MAPKAP1: variants seen among roughly 807,000 people sequenced by gnomAD.
MAPKAP1 encodes the protein MAPK associated protein 1.
In MAPKAP1, 20 loss-of-function variants were observed where a neutral mutation model predicts 65.7. The observed-to-expected ratio is 0.30, with a 90% confidence interval of 0.21 to 0.44. The LOEUF is 0.44. Among genes scored for constraint, MAPKAP1 ranks in the 20% least tolerant of loss-of-function variants. The pLI is 1.00. For missense variants in MAPKAP1, 423 were observed against 648.0 expected (o/e 0.65, Z 3.77); for synonymous variants, 222 against 244.3 (o/e 0.91, Z 0.85).
intron 5 of MAPKAP1, among the ~76,000 whole-genome samples, chr9:125,584,678 C>T (rs1266539766): frequency 2.6e-5 from 4 of 152,176 alleles, no homozygotes; most frequent in African/African-American, 4.8e-5. Flanking sequence ...CCGCCCACCT[C>T]AGCCTTCCAA....
intron 4 of MAPKAP1, among the ~76,000 whole-genome samples, chr9:125,608,256 G>C (rs998346166): frequency 6.6e-6 from 1 of 152,210 alleles, no homozygotes; most frequent in African/African-American, 2.4e-5. Context: ...TTCACAATGT[G>C]ACAAAGGAAG....
At chr9:125,550,735 A>G (rs545996178) in intron 6 of MAPKAP1, among the ~76,000 whole-genome samples, 1 of 152,372 alleles carries the variant, frequency 6.6e-6, no homozygotes, top group East Asian at 1.9e-4. Flanking sequence ...ATTTACAAAT[A>G]CAAAATTAAA....
At chr9:125,458,408 G>A (rs542824740) in intron 10 of MAPKAP1, among the ~76,000 whole-genome samples, 1 of 151,838 alleles carries the variant, frequency 6.6e-6, no homozygotes, top group Non-Finnish European at 1.5e-5. Flanking sequence ...ATTAGGGAGT[G>A]GTGATGACTC....
At chr9:125,470,408 C>G (rs913368746) in intron 9 of MAPKAP1, among the ~76,000 whole-genome samples, 3 of 152,196 alleles carry the variant, frequency 2.0e-5, no homozygotes, top group African/African-American at 7.2e-5. Context: ...TCACCAGCTC[C>G]TGCTCCAAGC....
intron 4 of MAPKAP1, among the ~76,000 whole-genome samples, chr9:125,586,105 G>A (rs986846594): frequency 2.0e-5 from 3 of 152,130 alleles, no homozygotes; most frequent in Non-Finnish European, 4.4e-5. Flanking sequence ...TTGAGACAAT[G>A]AGATGAGCTG....
At chr9:125,604,394 C>T (rs183258494) in intron 4 of MAPKAP1, among the ~76,000 whole-genome samples, 26 of 152,328 alleles carry the variant, frequency 1.7e-4, no homozygotes, top group Admixed American at 3.3e-4. Context: ...ATGAGAAATG[C>T]TTTATCTGCA....
chr9:125,561,617 T>C (rs1830896358), intron 5 of MAPKAP1, among the ~76,000 whole-genome samples: 1 of 152,218 alleles, frequency 6.6e-6, no homozygotes, highest in Non-Finnish European at 1.5e-5. Context: ...CATGGTATAC[T>C]GGCTAAGAGA....
chr9:125,689,055 G>A (rs1358077129), intron 1 of MAPKAP1, among the ~76,000 whole-genome samples: 1 of 152,138 alleles, frequency 6.6e-6, no homozygotes, highest in African/African-American at 2.4e-5. Flanking sequence ...CTGAGGGTTA[G>A]GCGTATAAAG....
At chr9:125,518,402 A>C (rs1829526137) in intron 7 of MAPKAP1, among the ~76,000 whole-genome samples, 1 of 152,148 alleles carries the variant, frequency 6.6e-6, no homozygotes, top group South Asian at 2.1e-4. Context: ...TTACATCTGT[A>C]ATCCCACATT....
intron 4 of MAPKAP1, among the ~76,000 whole-genome samples, chr9:125,639,926 C>G (rs1041846180): frequency 6.6e-6 from 1 of 152,076 alleles, no homozygotes; most frequent in East Asian, 1.9e-4. Context: ...CACAGACAGG[C>G]GCATGGGGGC....
In MAPKAP1 at chr9:125,506,430, A is replaced by T; in HGVS notation, c.959-13T>A. ...CGGTACTGAGGGCCTGGAAGATCAA[A>T]GGGGCAGGAGGAGGGGAGGAAGTCT... On this transcript the variant is annotated splice_polypyrimidine_tract_variant and intron_variant, in intron 7 of 11. Transcript: ENST00000265960. 6.2e-7 allele frequency: 1 copy of T among 1,608,582 alleles called. No homozygotes were observed. Among genetic ancestry groups the T allele is most frequent in the Non-Finnish European group, 8.5e-7 (1 of 1,175,034 alleles).
chr9:125,464,747 C>T lies in MAPKAP1; in HGVS notation c.1345+3225G>A, dbSNP rs115266587. 1.3e-3 allele frequency among the ~76,000 whole-genome samples: 205 copies of T among 152,244 alleles called. 1 individual carries two copies. Among genetic ancestry groups the T allele is most frequent in the African/African-American group, 4.8e-3 (198 of 41,544 alleles). ...CTTCTGAGCCTGGGTCTCTCCGGTC[C>T]CGCAGTATGTGTAATTATGTATTTC... On this transcript the variant is annotated intron_variant, in intron 10 of 11. Transcript: ENST00000265960.
intron 5 of MAPKAP1, among the ~76,000 whole-genome samples, chr9:125,578,256 A>G (rs1831509390): frequency 6.6e-6 from 1 of 151,822 alleles, no homozygotes; most frequent in African/African-American, 2.4e-5. Context: ...AGTCATCACC[A>G]CTCCCTAATC....
intron 4 of MAPKAP1, among the ~76,000 whole-genome samples, chr9:125,612,784 G>A (rs1349469201): frequency 1.3e-5 from 2 of 152,130 alleles, no homozygotes; most frequent in Non-Finnish European, 2.9e-5. Context: ...CATGCCAAGG[G>A]ACATCAGGCA....
At chr9:125,678,160 T>C (rs781660930) in intron 1 of MAPKAP1, among the ~76,000 whole-genome samples, 4 of 152,198 alleles carry the variant, frequency 2.6e-5, no homozygotes, top group Admixed American at 6.5e-5. Context: ...TCAAGCTATC[T>C]ACCAGCCTTG....
At chr9:125,701,372 C>T (rs1835591371) in intron 1 of MAPKAP1, among the ~76,000 whole-genome samples, 2 of 152,184 alleles carry the variant, frequency 1.3e-5, no homozygotes, top group South Asian at 4.1e-4. Flanking sequence ...TTGAATTTTA[C>T]TCCTCATTAT....
chr9:125,585,443 T>C (rs971278524), intron 5 of MAPKAP1, 112 bp downstream of exon 5: 3 of 1,146,076 alleles, frequency 2.6e-6, no homozygotes, highest in African/African-American at 3.1e-5. Context: ...GCTGGATCAG[T>C]GCAGAAGTGT....
chr9:125,558,487 C>G (rs1830802740), intron 6 of MAPKAP1, among the ~76,000 whole-genome samples: 1 of 152,074 alleles, frequency 6.6e-6, no homozygotes, highest in South Asian at 2.1e-4. Context: ...GTAGAAAGAG[C>G]CAAAATACTC....
chr9:125,663,286 G>A (rs552109142), intron 3 of MAPKAP1, among the ~76,000 whole-genome samples: 22 of 152,262 alleles, frequency 1.4e-4, no homozygotes, highest in Middle Eastern at 3.4e-3. Flanking sequence ...CACCAGGCAC[G>A]TTTCTGCCTC....
Sources: gnomAD v4.1 joint callset for allele counts (sites outside exome capture counted in the v4.1 genomes callset) on GRCh38, gnomAD v4.1.1 for gene constraint, MANE v1.5 for transcripts, NCBI Gene and HGNC (gene_info 2026-07-23, HGNC 2026-07-21) for gene names.